HPSE2: variants seen among roughly 807,000 people sequenced by gnomAD.
The protein encoded by HPSE2 is inactive heparanase-2.
In HPSE2, 38 loss-of-function variants were observed where a neutral mutation model predicts 60.5. The ratio of observed to expected loss-of-function variants is 0.63; its 90% confidence interval spans 0.48 to 0.82. The LOEUF (loss-of-function observed/expected upper bound fraction) is 0.82, where lower values mean the gene tolerates loss of function less well. HPSE2 is among the 40% of genes least tolerant of loss of function. The pLI, the probability that HPSE2 is intolerant of heterozygous loss-of-function variation, is 0.00. For synonymous variants in HPSE2, 295 were observed against 293.2 expected (o/e 1.01, Z -0.06); for missense variants, 713 against 740.4 (o/e 0.96, Z 0.43).
chr10:98,708,762 C>A (rs1362463214), intron 5 of HPSE2, among the ~76,000 whole-genome samples: 1 of 152,162 alleles, frequency 6.6e-6, no homozygotes, highest in Non-Finnish European at 1.5e-5. Flanking sequence ...AGCAAGATGA[C>A]CAAACACATC....
chr10:99,275,831 C>T, the HPSE2 span, among the ~76,000 whole-genome samples: 4 of 152,080 alleles, frequency 2.6e-5, no homozygotes, highest in Non-Finnish European at 4.4e-5. Flanking sequence ...CAGGCCAGAA[C>T]ATCTAGGGCA....
intron 3 of HPSE2, among the ~76,000 whole-genome samples, chr10:99,016,654 A>G (rs1957149210): frequency 6.6e-6 from 1 of 152,154 alleles, no homozygotes; most frequent in Non-Finnish European, 1.5e-5. Flanking sequence ...GATTCTTCCT[A>G]TCCATGAGCA....
chr10:98,510,887 T>C (rs1317590930), intron 9 of HPSE2, among the ~76,000 whole-genome samples: 1 of 152,172 alleles, frequency 6.6e-6, no homozygotes, highest in East Asian at 1.9e-4. Flanking sequence ...TTGTAGTACT[T>C]TGGGAATTCA....
chr10:98,495,250 G>A (rs1387262699), intron 9 of HPSE2, among the ~76,000 whole-genome samples: 1 of 151,832 alleles, frequency 6.6e-6, no homozygotes, highest in Non-Finnish European at 1.5e-5. Flanking sequence ...TGAGAAATCT[G>A]CTGATAATCT....
intron 2 of HPSE2, among the ~76,000 whole-genome samples, chr10:99,150,493 A>T (rs10883283): frequency 0.48 from 72,430 of 152,004 alleles, 19,631 homozygotes; most frequent in Non-Finnish European, 0.61. Flanking sequence ...TAAATTTTAA[A>T]AATTTTTTGT....
At chr10:99,041,019 G>A (rs1192134630) in intron 3 of HPSE2, among the ~76,000 whole-genome samples, 3 of 151,850 alleles carry the variant, frequency 2.0e-5, no homozygotes, top group Non-Finnish European at 2.9e-5. Context: ...CCTGGGAGGC[G>A]GAGCTTGTAG....
intron 7 of HPSE2, among the ~76,000 whole-genome samples, chr10:98,630,323 C>G (rs1023007596): frequency 6.6e-6 from 1 of 151,868 alleles, no homozygotes; most frequent in Non-Finnish European, 1.5e-5. Flanking sequence ...TCAGCCTCCC[C>G]AGTAGCTGGG....
intron 6 of HPSE2, among the ~76,000 whole-genome samples, chr10:98,646,118 G>A (rs1321795181): frequency 6.6e-6 from 1 of 152,142 alleles, no homozygotes; most frequent in East Asian, 1.9e-4. Context: ...AAAACATTCA[G>A]CATCAACAAT....
At chr10:99,001,845 G>C (rs1229411000) in intron 3 of HPSE2, among the ~76,000 whole-genome samples, 1 of 152,068 alleles carries the variant, frequency 6.6e-6, no homozygotes, top group Non-Finnish European at 1.5e-5. Flanking sequence ...AAAAATCATA[G>C]AGAATGTTCT....
At chr10:98,629,590 G>T (rs796428795) in intron 7 of HPSE2, among the ~76,000 whole-genome samples, 5 of 152,286 alleles carry the variant, frequency 3.3e-5, no homozygotes, top group African/African-American at 9.6e-5. Flanking sequence ...CCCTCCCTGA[G>T]TTCTGGATCT....
At chr10:98,490,449 A>T (rs961639439) in intron 9 of HPSE2, among the ~76,000 whole-genome samples, 1 of 152,220 alleles carries the variant, frequency 6.6e-6, no homozygotes, top group African/African-American at 2.4e-5. Context: ...GTGTAAGTGG[A>T]GTCGATCCAC....
At chr10:98,511,042 T>C (rs778647809) in intron 9 of HPSE2, among the ~76,000 whole-genome samples, 29 of 152,200 alleles carry the variant, frequency 1.9e-4, no homozygotes, top group Non-Finnish European at 3.5e-4. Flanking sequence ...AGTTTCCTCA[T>C]CAGGATTTAA....
At chr10:98,630,611 A>G (rs654103) in intron 7 of HPSE2, among the ~76,000 whole-genome samples, 1 of 152,062 alleles carries the variant, frequency 6.6e-6, no homozygotes, top group South Asian at 2.1e-4. Context: ...TTTCCTCAAA[A>G]CTTCAGAAAG....
intron 2 of HPSE2, among the ~76,000 whole-genome samples, chr10:99,211,720 T>C (rs947213626): frequency 6.6e-6 from 1 of 152,108 alleles, no homozygotes; most frequent in Admixed American, 6.5e-5. Flanking sequence ...CAAAATGGAT[T>C]AAAGGGTTAA....
At chr10:98,512,495 G>A (rs12781310) in intron 9 of HPSE2, among the ~76,000 whole-genome samples, 63,884 of 151,410 alleles carry the variant, frequency 0.42, 16,261 homozygotes, top group Non-Finnish European at 0.54. Flanking sequence ...TGAGGTGGGA[G>A]AATGGCATGA....
At chr10:98,520,872 A>G (rs1043029931) in intron 9 of HPSE2, among the ~76,000 whole-genome samples, 3 of 152,224 alleles carry the variant, frequency 2.0e-5, no homozygotes, top group African/African-American at 4.8e-5. Flanking sequence ...CAAACCTGAC[A>G]AAAACAAGAA....
At chr10:98,845,091 A>G (rs1230125304) in intron 3 of HPSE2, among the ~76,000 whole-genome samples, 1 of 152,254 alleles carries the variant, frequency 6.6e-6, no homozygotes, top group Non-Finnish European at 1.5e-5. Context: ...GGAGAAAGGA[A>G]GTTAAGCATT....
intron 3 of HPSE2, among the ~76,000 whole-genome samples, chr10:98,999,732 G>A (rs570021257): frequency 1.3e-5 from 2 of 152,216 alleles, no homozygotes; most frequent in East Asian, 3.9e-4. Context: ...CAACGAGGAA[G>A]CTTGCTTTAA....
intron 3 of HPSE2, among the ~76,000 whole-genome samples, chr10:98,878,936 A>G (rs1168218220): frequency 3.3e-5 from 5 of 152,038 alleles, no homozygotes; most frequent in Non-Finnish European, 7.4e-5. Context: ...ATATCTGGCA[A>G]GAGAGGAAAG....
Sources: gnomAD v4.1 joint callset for allele counts (sites outside exome capture counted in the v4.1 genomes callset) on GRCh38, gnomAD v4.1.1 for gene constraint, MANE v1.5 for transcripts, NCBI Gene and HGNC (gene_info 2026-07-23, HGNC 2026-07-21) for gene names.